APP: variants seen among roughly 807,000 people sequenced by gnomAD.
APP encodes the protein amyloid beta precursor protein.
A neutral mutation model predicts 101.4 loss-of-function variants in APP; 31 were observed. The observed-to-expected ratio is 0.31, with a 90% confidence interval of 0.23 to 0.41. APP has a LOEUF of 0.41. Ranked by LOEUF, APP falls within the 10% of genes least tolerant of loss-of-function variation. APP has a pLI of 1.00. For synonymous variants in APP, 366 were observed against 364.4 expected (o/e 1.00, Z -0.05); for missense variants, 839 against 1,003.7 (o/e 0.84, Z 2.22).
chr21:26,036,923 T>C (rs751058155), intron 5 of APP, among the ~76,000 whole-genome samples: 15 of 152,172 alleles, frequency 9.9e-5, no homozygotes, highest in Admixed American at 2.6e-4. Flanking sequence ...AGCCAAGATA[T>C]GGAATAACCT....
At chr21:26,079,880 T>G (rs2146072193) in intron 3 of APP, among the ~76,000 whole-genome samples, 1 of 152,304 alleles carries the variant, frequency 6.6e-6, no homozygotes, top group East Asian at 1.9e-4. Flanking sequence ...TCCCAGCATT[T>G]TGGGAGACCA....
intron 14 of APP, among the ~76,000 whole-genome samples, chr21:25,909,123 C>T (rs1384387992): frequency 2.6e-5 from 4 of 151,830 alleles, no homozygotes; most frequent in Admixed American, 1.3e-4. Flanking sequence ...ATTAGCCGGG[C>T]GTGGTGGCGG....
chr21:26,035,140 T>A (rs983727903), intron 5 of APP, among the ~76,000 whole-genome samples: 2 of 151,666 alleles, frequency 1.3e-5, no homozygotes, highest in African/African-American at 4.9e-5. Context: ...TAAAAAAAAA[T>A]TAGCCAGGTG....
rs148832151 is a variant in APP, at chr21:26,021,964, G to A, written c.741C>T (p.Asp247=). Residue 247 remains aspartate, a synonymous_variant, in exon 6 of 18, where the codon GAC becomes GAT. Coordinates refer to ENST00000346798, the MANE Select transcript of APP (RefSeq NM_000484.4). ...VEEEEADDDE[D]DEDGDEVEEE... The stretch of plus-strand genomic sequence containing the variant: ...CCTCTACCTCATCACCATCCTCATC[G>A]TCCTCGTCATCATCGGCTTCTTCTT... 372 of 1,613,742 alleles carry A rather than the reference G, an allele frequency of 2.3e-4. 4 individuals are homozygous for A. In the African/African-American group the frequency reaches 4.2e-3, roughly 18 times the overall value.
chr21:26,121,809 A>G (rs2062578510), intron 1 of APP, among the ~76,000 whole-genome samples: 1 of 152,226 alleles, frequency 6.6e-6, no homozygotes, highest in Non-Finnish European at 1.5e-5. Context: ...CAAACTTAAC[A>G]GGTTTCTTTC....
rs1451050785 is a variant in APP at position 26,053,291 on chromosome 21, T to C, written c.413A>G (p.Gln138Arg). Residue 138 changes from glutamine (Q) to arginine (R), a missense_variant, in exon 4 of 18, where the codon CAG becomes CGG. Transcript: ENST00000346798. ...AGTTTCGCAAACATCCATCCTCTCC[T>C]GGTGTAAGAATTTGCACTTGTCAGG... ...LVPDKCKFLH[Q>R]ERMDVCETHL... 26 of 1,613,904 alleles carry C rather than the reference T, an allele frequency of 1.6e-5. No homozygotes were observed. The highest frequency in any genetic ancestry group is 2.2e-5 in the Non-Finnish European group (26 of 1,179,902).
At chr21:26,022,760 G>A (rs1331117040) in intron 5 of APP, among the ~76,000 whole-genome samples, 4 of 152,216 alleles carry the variant, frequency 2.6e-5, no homozygotes. Context: ...GCAACGCATT[G>A]CACGGTAGCG....
At chr21:25,989,586 A>C (rs961625161) in intron 8 of APP, among the ~76,000 whole-genome samples, 10 of 152,222 alleles carry the variant, frequency 6.6e-5, no homozygotes, top group Admixed American at 4.6e-4. Flanking sequence ...TATGAATGGC[A>C]TTCAGTCGAT....
chr21:26,034,518 TATA>T, intron 5 of APP, among the ~76,000 whole-genome samples: 1 of 151,116 alleles, frequency 6.6e-6, no homozygotes, highest in Non-Finnish European at 1.5e-5. Context: ...GGCGGGCGCC[TATA>T]GTCCCAGTTA....
intron 13 of APP, among the ~76,000 whole-genome samples, chr21:25,927,406 A>C (rs1456313851): frequency 6.6e-6 from 1 of 152,204 alleles, no homozygotes; most frequent in Non-Finnish European, 1.5e-5. Context: ...TGGTCAAGAG[A>C]GATACAGCCC....
At chr21:25,899,477 C>T (rs1418115923) in intron 15 of APP, among the ~76,000 whole-genome samples, 1 of 152,152 alleles carries the variant, frequency 6.6e-6, no homozygotes, top group East Asian at 1.9e-4. Context: ...CTTCCTTAAT[C>T]TCTTTCCTGG....
At chr21:26,170,225 G>A (rs906803735) in intron 1 of APP, among the ~76,000 whole-genome samples, 1 of 152,132 alleles carries the variant, frequency 6.6e-6, no homozygotes, top group Non-Finnish European at 1.5e-5. Flanking sequence ...CCCCCTGTCT[G>A]AATGTCTCTC....
At chr21:26,151,445 C>T (rs944253500) in intron 1 of APP, among the ~76,000 whole-genome samples, 8 of 152,122 alleles carry the variant, frequency 5.3e-5, no homozygotes, top group Admixed American at 2.6e-4. Context: ...ATCAGCCTTT[C>T]CTTATTTTTG....
intron 7 of APP, among the ~76,000 whole-genome samples, chr21:25,997,822 C>T (rs1209816672): frequency 2.0e-5 from 3 of 152,202 alleles, no homozygotes; most frequent in Non-Finnish European, 4.4e-5. Flanking sequence ...TTCTTGTCCA[C>T]CCATCTAACT....
At chr21:25,936,282 C>CA (rs1555898988) in intron 13 of APP, among the ~76,000 whole-genome samples, 1 of 130 alleles carries the variant, frequency 7.7e-3, no homozygotes, top group Non-Finnish European at 0.016. Flanking sequence ...AGGCCGGGTG[C>CA]GGGGCTCACG....
intron 13 of APP, among the ~76,000 whole-genome samples, chr21:25,944,487 C>T (rs1208255170): frequency 6.6e-6 from 1 of 152,212 alleles, no homozygotes; most frequent in Non-Finnish European, 1.5e-5. Flanking sequence ...ATGGCACTTA[C>T]TCAGAAAATA....
chr21:25,997,817 G>C (rs1254829793), intron 7 of APP, among the ~76,000 whole-genome samples: 1 of 152,022 alleles, frequency 6.6e-6, no homozygotes, highest in Non-Finnish European at 1.5e-5. Flanking sequence ...ACTTATTCTT[G>C]TCCACCCATC....
chr21:26,097,426 CT>C (rs2061967095), intron 2 of APP, among the ~76,000 whole-genome samples: 1 of 152,178 alleles, frequency 6.6e-6, no homozygotes, highest in Admixed American at 6.5e-5. Context: ...CAATCAGGGA[CT>C]TTCAGTATAC....
chr21:26,139,549 ATTTTGAAACCAGTCACAATT>A (rs1488213785), intron 1 of APP, among the ~76,000 whole-genome samples: 17 of 152,190 alleles, frequency 1.1e-4, no homozygotes, highest in Admixed American at 1.1e-3. Flanking sequence ...AAATCATCTG[ATTTTGAAACCAGTCACAATT>A]TTTTGAAACA....
Sources: gnomAD v4.1 joint callset for allele counts (sites outside exome capture counted in the v4.1 genomes callset) on GRCh38, gnomAD v4.1.1 for gene constraint, MANE v1.5 for transcripts, NCBI Gene and HGNC (gene_info 2026-07-23, HGNC 2026-07-21) for gene names.